The following ADAMTS3 variants were observed in gnomAD, a reference collection of about 807,000 sequenced individuals.
ADAMTS3 encodes the protein ADAM metallopeptidase with thrombospondin type 1 motif 3.
Under a neutral mutation model 129.0 loss-of-function variants are expected in ADAMTS3, and 73 were observed. The ratio of observed to expected loss-of-function variants is 0.57; its 90% CI spans 0.47 to 0.69. The LOEUF (loss-of-function observed/expected upper bound fraction) is 0.69. Among genes scored for constraint, ADAMTS3 ranks in the 30% least tolerant of loss-of-function variants. ADAMTS3 has a pLI of 0.00. For missense variants in ADAMTS3, 1,457 were observed against 1,514.5 expected (o/e 0.96, Z 0.63); for synonymous variants, 477 against 510.8 (o/e 0.93, Z 0.89).
chr4:72,539,541 G>A (rs1195384814), intron 3 of ADAMTS3, among the ~76,000 whole-genome samples: 2 of 146,776 alleles, frequency 1.4e-5, no homozygotes, highest in Non-Finnish European at 3.0e-5. Context: ...TCACAAGAAT[G>A]TGGAAAAAAA....
chr4:72,357,758 A>G (rs1434514558), intron 4 of ADAMTS3, among the ~76,000 whole-genome samples: 2 of 151,948 alleles, frequency 1.3e-5, no homozygotes, highest in African/African-American at 4.8e-5. Flanking sequence ...TAAATTTTCA[A>G]TGAGTGAAAA....
intron 3 of ADAMTS3, among the ~76,000 whole-genome samples, chr4:72,486,069 A>G (rs894252926): frequency 1.1e-4 from 17 of 152,242 alleles, no homozygotes; most frequent in Admixed American, 1.1e-3. Flanking sequence ...CAGCCCAAAT[A>G]GACTAAGATG....
At chr4:72,405,771 T>C (rs985052944) in intron 4 of ADAMTS3, among the ~76,000 whole-genome samples, 2 of 152,138 alleles carry the variant, frequency 1.3e-5, no homozygotes, top group African/African-American at 4.8e-5. Flanking sequence ...CCAGTTCCCT[T>C]CAAGGCCAAG....
intron 2 of ADAMTS3, among the ~76,000 whole-genome samples, chr4:72,549,192 C>T (rs997652704): frequency 2.6e-5 from 4 of 152,104 alleles, no homozygotes; most frequent in African/African-American, 9.7e-5. Flanking sequence ...AAATGGCTTG[C>T]TTAAAATCAA....
rs768336339 is a variant in ADAMTS3, at chr4:72,548,618, C to G, written c.364G>C (p.Asp122His). 6.2e-7 allele frequency: 1 copy of G among 1,613,984 alleles called. No homozygotes were observed. Among genetic ancestry groups the G allele is most frequent in the Non-Finnish European group, 8.5e-7 (1 of 1,179,928 alleles). The change falls in exon 3 of 22, where the codon GAT (aspartate) becomes CAT (histidine). Residue 122 changes from aspartate to histidine, a missense_variant. By Grantham distance (81) the Asp-to-His change is moderately conservative. Coordinates refer to ENST00000286657, the MANE Select transcript of ADAMTS3 (RefSeq NM_014243.3). ...ETSLVPGNIT[D>H]PINNHQPGSA... is the part of the protein sequence containing the mutation. ...CCTGGTTGATGGTTGTTAATGGGAT[C>G]GGTTATATTCCCAGGCACCAGAGAT...
At chr4:72,533,307 T>C (rs1721092001) in intron 3 of ADAMTS3, among the ~76,000 whole-genome samples, 2 of 152,214 alleles carry the variant, frequency 1.3e-5, no homozygotes, top group African/African-American at 4.8e-5. Flanking sequence ...AAAACTGTCT[T>C]CCAATTTCAC....
At chr4:72,345,924 C>T (rs1720269587) in intron 4 of ADAMTS3, among the ~76,000 whole-genome samples, 1 of 152,032 alleles carries the variant, frequency 6.6e-6, no homozygotes, top group African/African-American at 2.4e-5. Context: ...TTTCTAACTG[C>T]AAATCAAGAA....
intron 4 of ADAMTS3, among the ~76,000 whole-genome samples, chr4:72,355,488 C>T (rs1720560638): frequency 6.6e-6 from 1 of 151,960 alleles, no homozygotes; most frequent in Admixed American, 6.6e-5. Context: ...GATCTTATCA[C>T]AATGCTCATA....
At chr4:72,356,024 T>G (rs1578610023) in intron 4 of ADAMTS3, among the ~76,000 whole-genome samples, 1 of 151,912 alleles carries the variant, frequency 6.6e-6, no homozygotes, top group Non-Finnish European at 1.5e-5. Context: ...CTCCGGTAAT[T>G]AATTACTAAG....
intron 4 of ADAMTS3, among the ~76,000 whole-genome samples, chr4:72,342,635 G>C (rs147811621): frequency 2.6e-5 from 4 of 152,084 alleles, no homozygotes; most frequent in African/African-American, 9.7e-5. Context: ...GCCTCCCAAA[G>C]TGCTGGGATT....
chr4:72,417,914 C>T (rs1470842129), intron 3 of ADAMTS3, among the ~76,000 whole-genome samples: 2 of 110,468 alleles, frequency 1.8e-5, no homozygotes, highest in Non-Finnish European at 3.4e-5. Flanking sequence ...GACTGGGCGA[C>T]AGAGGGAGAC....
chr4:72,367,849 C>G (rs1009836351), intron 4 of ADAMTS3, among the ~76,000 whole-genome samples: 2 of 125,692 alleles, frequency 1.6e-5, no homozygotes, highest in African/African-American at 5.9e-5. Flanking sequence ...GACTCTGTGT[C>G]AAAAAAAAAA....
chr4:72,517,129 G>C (rs974036461), intron 3 of ADAMTS3, among the ~76,000 whole-genome samples: 4 of 152,042 alleles, frequency 2.6e-5, no homozygotes, highest in African/African-American at 9.7e-5. Flanking sequence ...TTTATATGGT[G>C]GATTACATTT....
chr4:72,475,766 A>G (rs1242053188), intron 3 of ADAMTS3, among the ~76,000 whole-genome samples: 1 of 152,080 alleles, frequency 6.6e-6, no homozygotes, highest in Non-Finnish European at 1.5e-5. Flanking sequence ...TGAAAAAAAA[A>G]CAAAATTAAA....
At chr4:72,540,459 G>A (rs788915) in intron 3 of ADAMTS3, among the ~76,000 whole-genome samples, 151,598 of 152,340 alleles carry the variant, frequency 1, 75,434 homozygotes, top group Middle Eastern at 1. Flanking sequence ...GAAAGAAAAT[G>A]TCATTTTCTG....
intron 3 of ADAMTS3, among the ~76,000 whole-genome samples, chr4:72,475,614 A>G (rs1719207546): frequency 2.0e-5 from 3 of 152,108 alleles, no homozygotes; most frequent in Admixed American, 1.3e-4. Flanking sequence ...ACAAAAAATT[A>G]GCAAGAATAT....
chr4:72,291,207 A>C, intron 19 of ADAMTS3, 145 bp from the exon 20 acceptor site: 4 of 684,798 alleles, frequency 5.8e-6, no homozygotes, highest in Non-Finnish European at 9.8e-6. Flanking sequence ...TTTCAGAAAG[A>C]TGGATATAAT....
intron 3 of ADAMTS3, among the ~76,000 whole-genome samples, chr4:72,468,233 A>G (rs1299856980): frequency 6.6e-6 from 1 of 152,130 alleles, no homozygotes; most frequent in Non-Finnish European, 1.5e-5. Flanking sequence ...TGTAATATAT[A>G]GTGTAAGAAT....
At chr4:72,551,685 CA>C (rs1173746236) in intron 2 of ADAMTS3, among the ~76,000 whole-genome samples, 1 of 152,132 alleles carries the variant, frequency 6.6e-6, no homozygotes, top group Non-Finnish European at 1.5e-5. Flanking sequence ...ATACTCACAA[CA>C]ATCACAGTAG....
Sources: allele counts gnomAD v4.1 joint callset (sites outside exome capture counted in the v4.1 genomes callset), GRCh38; gene constraint gnomAD v4.1.1; transcripts MANE v1.5; gene names NCBI Gene and HGNC (gene_info 2026-07-23, HGNC 2026-07-21).